The following LPAR4 variants were observed in gnomAD, a reference collection of about 807,000 sequenced individuals.
LPAR4 encodes the protein G-protein coupled receptor 23.
In LPAR4, 14 loss-of-function variants were observed where a neutral mutation model predicts 9.2. The ratio of observed to expected loss-of-function variants is 1.51; its 90% CI spans 1.00 to 2.37. The LOEUF (loss-of-function observed/expected upper bound fraction) is 2.37. Ranked by LOEUF, LPAR4 falls within the 30% of genes most tolerant of loss-of-function variation. The probability of loss-of-function intolerance (pLI) is 0.00; values close to 1 mark genes in which losing one functional copy is unlikely to be tolerated. For synonymous variants in LPAR4, 131 were observed against 97.9 expected (o/e 1.34, Z -1.99); for missense variants, 251 against 272.1 (o/e 0.92, Z 0.55).
At chrX:78,751,945 T>C (rs1925080333) in intron 4 of LPAR4, among the ~76,000 whole-genome samples, 1 of 111,113 alleles carries the variant, frequency 9.0e-6, no homozygotes, top group African/African-American at 3.3e-5. Context: ...TTCCCAAAGA[T>C]TGGACTGTGT....
chrX:78,750,872 T>C (rs1925033511), intron 3 of LPAR4, 80 bp downstream of exon 3: 1 of 111,413 alleles, frequency 9.0e-6, no homozygotes, highest in African/African-American at 3.3e-5. Flanking sequence ...GTGGAGGAAA[T>C]ATTTTTATGT....
rs186320503 is a variant in LPAR4, at chrX:78,753,192, C to T, written c.-79-1599C>T. 3.6e-5 allele frequency among the ~76,000 whole-genome samples: 4 copies of T among 112,076 alleles called. No individual in the cohort carries two copies. In the East Asian group the frequency reaches 1.1e-3, roughly 32 times the overall value. On this transcript the variant is annotated intron_variant, in intron 4 of 4. Transcript: ENST00000614823. ...CAGTGGAAAATGTAATTAACTGCATCAGCATATATTTTTCCTTCTTCATTT... is the reference window on the plus strand; with the variant it reads ...CAGTGGAAAATGTAATTAACTGCATTAGCATATATTTTTCCTTCTTCATTT...
intron 4 of LPAR4, among the ~76,000 whole-genome samples, chrX:78,753,524 C>T: frequency 8.9e-6 from 1 of 111,859 alleles, no homozygotes; most frequent in East Asian, 2.8e-4. Context: ...GTATACATGA[C>T]ACTAGAAGGA....
rs1336651160 is a variant in LPAR4 at position 78,755,032 on chromosome X, A to G, written c.163A>G (p.Ile55Val). 2.5e-6 allele frequency: 3 copies of G among 1,209,802 alleles called. No homozygotes were observed. Among genetic ancestry groups the G allele is most frequent in the Non-Finnish European group, 3.4e-6 (3 of 893,562 alleles). Residue 55 changes from isoleucine (I) to valine (V), a missense_variant, in exon 5 of 5, where the codon ATA (isoleucine) becomes GTA (valine). Physicochemically the swap from Ile to Val is conservative, Grantham distance 29. Coordinates refer to ENST00000614823, the MANE Select transcript of LPAR4 (RefSeq NM_001278000.3). Reference sequence around the variant, plus strand: ...CAGTGTTGTATTCATCTTGGGTCTGATAACCAACAGTGTCTCTCTGTTTGT... The same window carrying G: ...CAGTGTTGTATTCATCTTGGGTCTGGTAACCAACAGTGTCTCTCTGTTTGT... Reference protein sequence around the residue: ...VYSVVFILGLITNSVSLFVFC... With the variant: ...VYSVVFILGLVTNSVSLFVFC...
In LPAR4 at chrX:78,756,286, G is replaced by A. The variant is rs1925288827; in HGVS notation, c.*304G>A. ...AGATGACTTTGAAACTTTCAAAAAGGTATTTCTATTCCAATGATATTTGGT... is the reference window on the plus strand; with the variant it reads ...AGATGACTTTGAAACTTTCAAAAAGATATTTCTATTCCAATGATATTTGGT... On this transcript the variant is annotated 3_prime_UTR_variant, in exon 5 of 5. Coordinates refer to ENST00000614823, the MANE Select transcript of LPAR4 (RefSeq NM_001278000.3). The A allele has an allele frequency of 1.4e-5, 3 of 206,946 alleles. No individual in the cohort carries two copies. Among genetic ancestry groups the A allele is most frequent in the Non-Finnish European group, 1.8e-5 (2 of 108,272 alleles). The allele number at this position is 206,946 out of a possible 1,213,427, so 17.1% of individuals were successfully genotyped here. A position where few individuals can be genotyped will look rare whatever the true frequency, so the allele number is the denominator to read the frequency against.
Position 78,755,127 on chromosome X carries a change from G to A in LPAR4, c.258G>A (p.Leu86=). Residue 86 remains leucine (L), a synonymous_variant, in exon 5 of 5, where the codon TTG becomes TTA. Transcript: ENST00000614823. ...TCACCAATCTAGCTGTCTCTGATTT[G>A]CTTTTTGTCTGTACACTACCTTTTA... is the stretch of plus-strand genomic sequence containing the variant. The part of the protein sequence containing the change: ...IFITNLAVSD[L]LFVCTLPFKI... 1 of 1,210,880 alleles carries A rather than the reference G, an allele frequency of 8.3e-7. No homozygotes were observed. Among genetic ancestry groups the A allele is most frequent in the Non-Finnish European group, 1.1e-6 (1 of 894,985 alleles).
Position 78,755,332 on chromosome X carries a change from T to A in LPAR4, c.463T>A (p.Ser155Thr). 1 of 1,210,416 alleles carries A rather than the reference T, an allele frequency of 8.3e-7. No individual in the cohort carries two copies. The highest frequency in any genetic ancestry group is 1.1e-6 in the Non-Finnish European group (1 of 894,747). Reference sequence around the variant, plus strand: ...TCGTACTATTAGGACTAGGAGGAATTCTGCCATTGTGTGTGCTGGTGTCTG... The same window carrying A: ...TCGTACTATTAGGACTAGGAGGAATACTGCCATTGTGTGTGCTGGTGTCTG... ...RSRTIRTRRN[S>T]AIVCAGVWIL... The change falls in exon 5 of 5, where the codon TCT (serine) becomes ACT (threonine). Residue 155 changes from serine to threonine, a missense_variant. Physicochemically the swap from Ser to Thr is moderately conservative, Grantham distance 58. Transcript: ENST00000614823.
rs931114629 is a variant in LPAR4, at chrX:78,750,310, A to T, written c.-245+87A>T. Reference sequence around the variant, plus strand: ...GAAAAATCATTTCAGGAGAGTTGTAATACTATTTAGAAGTTTGCTTTGTTT... The same window carrying T: ...GAAAAATCATTTCAGGAGAGTTGTATTACTATTTAGAAGTTTGCTTTGTTT... On this transcript the variant is annotated intron_variant, in intron 2 of 4. Coordinates refer to ENST00000614823, the MANE Select transcript of LPAR4 (RefSeq NM_001278000.3). 4 of 111,160 alleles carry T rather than the reference A, an allele frequency of 3.6e-5. 1 individual carries two copies. In the Admixed American group the frequency reaches 3.8e-4, roughly 11 times the overall value. The allele number at this position is 111,160 out of a possible 1,213,427, so 9.2% of individuals were successfully genotyped here.
intron 2 of LPAR4, among the ~76,000 whole-genome samples, chrX:78,750,528 T>C (rs1925012502): frequency 9.0e-6 from 1 of 111,541 alleles, no homozygotes; most frequent in Non-Finnish European, 1.9e-5. Flanking sequence ...TTGGAGATGT[T>C]ACAGACATGC....
chrX:78,752,927 T>C (rs892895487), intron 4 of LPAR4, among the ~76,000 whole-genome samples: 14 of 111,673 alleles, frequency 1.3e-4, no homozygotes, highest in Non-Finnish European at 5.7e-5. Context: ...TATTTTACTA[T>C]CATTAGAAAT....
intron 4 of LPAR4, among the ~76,000 whole-genome samples, chrX:78,752,267 C>A (rs1925095168): frequency 9.0e-6 from 1 of 111,676 alleles, no homozygotes; most frequent in Non-Finnish European, 1.9e-5. Flanking sequence ...ATATGGAATG[C>A]CATAAAGCTA....
chrX:78,752,926 A>G (rs1357697928), intron 4 of LPAR4, among the ~76,000 whole-genome samples: 1 of 111,605 alleles, frequency 9.0e-6, no homozygotes, highest in Non-Finnish European at 1.9e-5. Flanking sequence ...GTATTTTACT[A>G]TCATTAGAAA....
rs748545126 is a variant in LPAR4, at chrX:78,755,657, T to C, written c.788T>C (p.Val263Ala). 1 of 1,208,994 alleles carries C rather than the reference T, an allele frequency of 8.3e-7. No individual in the cohort carries two copies. The highest frequency in any genetic ancestry group is 1.1e-6 in the Non-Finnish European group (1 of 893,188). ...VHMAVFVVCF[V>A]PYNSVLFLYA... is the part of the protein sequence containing the mutation. ...ATGGCAGTCTTTGTGGTATGCTTTG[T>C]ACCCTACAACTCTGTCCTCTTCTTG... is the stretch of plus-strand genomic sequence containing the variant. The change falls in exon 5 of 5, where the codon GTA becomes GCA. Residue 263 changes from valine (V) to alanine (A), a missense_variant. By Grantham distance (64) the Val-to-Ala change is moderately conservative. Coordinates refer to ENST00000614823, the MANE Select transcript of LPAR4 (RefSeq NM_001278000.3).
intron 4 of LPAR4, among the ~76,000 whole-genome samples, chrX:78,752,523 C>T (rs1323560728): frequency 8.9e-6 from 1 of 112,036 alleles, no homozygotes; most frequent in Non-Finnish European, 1.9e-5. Context: ...TACATAAGAA[C>T]ACAATAGATT....
At chrX:78,754,641 TTAAA>T (rs1292945516) in intron 4 of LPAR4, 146 bp from the exon 5 acceptor site, 4 of 363,315 alleles carry the variant, frequency 1.1e-5, no homozygotes, top group African/African-American at 1.0e-4. Context: ...TGTAGTACCT[TTAAA>T]TATATAATAG....
In LPAR4 at chrX:78,754,859, A is replaced by G. The variant is rs759207130; in HGVS notation, c.-11A>G. 3 of 1,174,860 alleles carry G rather than the reference A, an allele frequency of 2.6e-6. No individual in the cohort carries two copies. Among genetic ancestry groups the G allele is most frequent in the East Asian group, 6.0e-5 (2 of 33,440 alleles). ...CCCCTGCAGCCAGCAGGCCTCCTGAAAAAAAAGTCCATGGGTGACAGAAGA... is the reference window on the plus strand; with the variant it reads ...CCCCTGCAGCCAGCAGGCCTCCTGAGAAAAAAGTCCATGGGTGACAGAAGA... On this transcript the variant is annotated 5_prime_UTR_variant, in exon 5 of 5. Transcript: ENST00000614823.
intron 1 of LPAR4, among the ~76,000 whole-genome samples, chrX:78,749,417 GATAA>G (rs1193966432): frequency 9.0e-6 from 1 of 111,688 alleles, no homozygotes; most frequent in East Asian, 2.8e-4. Flanking sequence ...ACTTTAAGCG[GATAA>G]ATAATCAGTT....
intron 1 of LPAR4, among the ~76,000 whole-genome samples, chrX:78,749,897 T>A (rs1924982515): frequency 9.0e-6 from 1 of 111,287 alleles, no homozygotes; most frequent in African/African-American, 3.3e-5. Context: ...TTTCTGTCAG[T>A]CAAGACTGAA....
intron 4 of LPAR4, among the ~76,000 whole-genome samples, chrX:78,753,749 G>C (rs1925171074): frequency 8.9e-6 from 1 of 112,006 alleles, no homozygotes; most frequent in Non-Finnish European, 1.9e-5. Context: ...AAGGAAGAGA[G>C]AGAGTATAGC....
Sources: allele counts gnomAD v4.1 joint callset (sites outside exome capture counted in the v4.1 genomes callset), GRCh38; gene constraint gnomAD v4.1.1; transcripts MANE v1.5; gene names NCBI Gene and HGNC (gene_info 2026-07-23, HGNC 2026-07-21).